The following LRRC4C variants were observed in gnomAD, a reference collection of about 807,000 sequenced individuals.
The protein encoded by LRRC4C is leucine rich repeat containing 4C.
LRRC4C carries 5 observed loss-of-function variants against 33.6 expected under a neutral mutation model. That is an observed-to-expected ratio of 0.15 (90% CI 0.08 to 0.31). The LOEUF (loss-of-function observed/expected upper bound fraction) is 0.31. Among genes scored for constraint, LRRC4C ranks in the 10% least tolerant of loss-of-function variants. The pLI, the probability that LRRC4C is intolerant of heterozygous loss-of-function variation, is 1.00. For missense variants in LRRC4C, 560 were observed against 796.7 expected (o/e 0.70, Z 3.58); for synonymous variants, 329 against 302.0 (o/e 1.09, Z -0.93).
chr11:41,439,307 CT>C, intron 1 of LRRC4C, among the ~76,000 whole-genome samples: 1 of 152,246 alleles, frequency 6.6e-6, no homozygotes, highest in South Asian at 2.1e-4. Flanking sequence ...GATTCCATTA[CT>C]TTATTATTGT....
At chr11:40,627,270 AGAGAGC>A (rs1202164255) in intron 3 of LRRC4C, among the ~76,000 whole-genome samples, 1 of 65,710 alleles carries the variant, frequency 1.5e-5, no homozygotes, top group African/African-American at 4.7e-5. Flanking sequence ...AGAGAGAGAG[AGAGAGC>A]GAGAGAGAGA....
At chr11:41,153,748 T>C (rs1944103207) in intron 1 of LRRC4C, among the ~76,000 whole-genome samples, 1 of 152,176 alleles carries the variant, frequency 6.6e-6, no homozygotes, top group South Asian at 2.1e-4. Context: ...GTAGATTAAA[T>C]TATGGCTACT....
intron 2 of LRRC4C, among the ~76,000 whole-genome samples, chr11:40,746,739 CCTG>C (rs1565007132): frequency 2.0e-5 from 3 of 152,114 alleles, no homozygotes; most frequent in African/African-American, 7.2e-5. Context: ...ACCATGGTCC[CCTG>C]AGCACTCCTC....
At chr11:40,393,557 AG>A (rs1189286855) in intron 3 of LRRC4C, among the ~76,000 whole-genome samples, 1 of 152,174 alleles carries the variant, frequency 6.6e-6, no homozygotes, top group Non-Finnish European at 1.5e-5. Context: ...AATTCTTTGG[AG>A]AAAAAGAAGA....
rs1301375230 is a variant in LRRC4C at position 40,617,627 on chromosome 11, T to A, written c.-270+30515A>T. Among the ~76,000 whole-genome samples the A allele has an allele frequency of 4.0e-5, 6 of 151,792 alleles. No homozygotes were observed. In the East Asian group the frequency reaches 7.7e-4, roughly 20 times the overall value. On this transcript the variant is annotated intron_variant, in intron 3 of 6. Coordinates refer to ENST00000528697, the MANE Select transcript of LRRC4C (RefSeq NM_001258419.2). The stretch of plus-strand genomic sequence containing the variant: ...TATGCTCACTTCTCTCCTCATCAGA[T>A]TTACAATACTATGGAGAAATAATTC...
chr11:40,682,770 A>AAATAAATC (rs1474569370), intron 2 of LRRC4C, among the ~76,000 whole-genome samples: 1 of 150,866 alleles, frequency 6.6e-6, no homozygotes, highest in Non-Finnish European at 1.5e-5. Context: ...ATAAATAAAT[A>AAATAAATC]AATAAATAAA....
intron 1 of LRRC4C, among the ~76,000 whole-genome samples, chr11:41,284,802 T>C (rs1467696543): frequency 6.6e-6 from 1 of 152,206 alleles, no homozygotes; most frequent in East Asian, 1.9e-4. Flanking sequence ...ATTAAAACCA[T>C]TGATTTCCCC....
At position 40,898,125 on chromosome 11, in the gene LRRC4C, C is replaced by A. The variant is rs191452568; in HGVS notation, c.-407+35510G>T. 1.5e-3 allele frequency among the ~76,000 whole-genome samples: 230 copies of A among 152,002 alleles called. 2 individuals carry two copies. The highest frequency in any genetic ancestry group is 5.4e-3 in the African/African-American group (223 of 41,462). On this transcript the variant is annotated intron_variant, in intron 2 of 6. Coordinates refer to ENST00000528697, the MANE Select transcript of LRRC4C (RefSeq NM_001258419.2). The stretch of plus-strand genomic sequence containing the variant: ...ATCCCAGCACTTTAGGAGGCCGAGG[C>A]GGGCAGATCACCTGAGGTCGGGAGT...
chr11:41,002,508 A>G (rs1854458878), intron 1 of LRRC4C, among the ~76,000 whole-genome samples: 1 of 152,166 alleles, frequency 6.6e-6, no homozygotes, highest in South Asian at 2.1e-4. Flanking sequence ...TATGTCCCAC[A>G]CTTGTATCTC....
In LRRC4C at chr11:40,115,518, C is replaced by T; in HGVS notation, c.775G>A (p.Glu259Lys). ...WMIQSQIQVI[E>K]RNAFDNLQSL... is the part of the protein sequence containing the mutation. ...TGAAGGTTGTCAAAGGCATTCCGTT[C>T]AATCACTTGAATCTGGGACTGTATC... Residue 259 changes from glutamate to lysine, a missense_variant, in exon 7 of 7, where the codon GAA becomes AAA. By Grantham distance (56) the Glu-to-Lys change is moderately conservative (BLOSUM62 1). Transcript: ENST00000528697. This position sits in a 1 kb window ranked among gnomAD's most constrained non-coding sequence, Gnocchi z 6.7. 6.2e-7 allele frequency: 1 copy of T among 1,614,192 alleles called. No homozygotes were observed. Among genetic ancestry groups the T allele is most frequent in the Middle Eastern group, 1.7e-4 (1 of 6,060 alleles).
Position 40,754,563 on chromosome 11 carries a change from G to A in LRRC4C, c.-406-106285C>T, listed in dbSNP as rs1418958426. The stretch of plus-strand genomic sequence containing the variant: ...TAATCAGCCAGGTAGCTTCCATAAA[G>A]CCTACACTCTGGAAGAGGATGCAGA... On this transcript the variant is annotated intron_variant, in intron 2 of 6. Transcript: ENST00000528697. Among the ~76,000 whole-genome samples, 4 of 152,042 alleles carry A rather than the reference G, an allele frequency of 2.6e-5. No homozygotes were observed. In the South Asian group the frequency reaches 8.3e-4, roughly 32 times the overall value.
At chr11:40,154,439 C>A (rs750026379) in intron 5 of LRRC4C, among the ~76,000 whole-genome samples, 2 of 152,072 alleles carry the variant, frequency 1.3e-5, no homozygotes, top group Non-Finnish European at 2.9e-5. Flanking sequence ...TAAGAACTCA[C>A]CAACCAACTA....
intron 2 of LRRC4C, among the ~76,000 whole-genome samples, chr11:40,708,559 T>G (rs1185527059): frequency 6.6e-6 from 1 of 152,350 alleles, no homozygotes; most frequent in East Asian, 1.9e-4. Context: ...CTAATTTGAT[T>G]GCCCTGTGGT....
At chr11:41,304,473 G>A (rs1950406576) in intron 1 of LRRC4C, among the ~76,000 whole-genome samples, 1 of 99,796 alleles carries the variant, frequency 1.0e-5, no homozygotes, top group African/African-American at 3.9e-5. Flanking sequence ...GCCCCTACTG[G>A]GAAGTGAGGA....
chr11:41,006,531 C>T (rs930103498), intron 1 of LRRC4C, among the ~76,000 whole-genome samples: 1 of 152,138 alleles, frequency 6.6e-6, no homozygotes, highest in African/African-American at 2.4e-5. Context: ...ACACAGAGGA[C>T]AGAGCCTCTA....
At chr11:40,593,375 A>G (rs1959144990) in intron 3 of LRRC4C, among the ~76,000 whole-genome samples, 2 of 152,210 alleles carry the variant, frequency 1.3e-5, no homozygotes, top group South Asian at 2.1e-4. Context: ...CTCCCTGTAC[A>G]CATACACATG....
At chr11:40,373,682 C>G (rs7111388) in intron 3 of LRRC4C, among the ~76,000 whole-genome samples, 2 of 152,078 alleles carry the variant, frequency 1.3e-5, no homozygotes, top group Non-Finnish European at 2.9e-5. Context: ...AACGGCCTGG[C>G]ACCATCCCCT....
chr11:40,934,596 T>C (rs567939593), intron 1 of LRRC4C, among the ~76,000 whole-genome samples: 1 of 152,210 alleles, frequency 6.6e-6, no homozygotes, highest in South Asian at 2.1e-4. Context: ...TTCACTTGGC[T>C]TCCAGAGCAC....
intron 3 of LRRC4C, among the ~76,000 whole-genome samples, chr11:40,512,723 T>C (rs1955380197): frequency 6.6e-6 from 1 of 152,138 alleles, no homozygotes; most frequent in Non-Finnish European, 1.5e-5. Context: ...ATCCTAGCCG[T>C]GCAAAATGCC....
Sources: allele counts gnomAD v4.1 joint callset (sites outside exome capture counted in the v4.1 genomes callset), GRCh38; gene constraint gnomAD v4.1.1; non-coding constraint Gnocchi (gnomAD v3.1); transcripts MANE v1.5; gene names NCBI Gene and HGNC (gene_info 2026-07-23, HGNC 2026-07-21).